The following AGBL1 variants were observed in gnomAD, a reference collection of about 807,000 sequenced individuals.
AGBL1 encodes the protein cytosolic carboxypeptidase 4.
In AGBL1, 130 loss-of-function variants were observed where a neutral mutation model predicts 118.9. That is an observed-to-expected ratio of 1.09 (90% confidence interval 0.95 to 1.26). The LOEUF (loss-of-function observed/expected upper bound fraction) is 1.26. Ranked by LOEUF, AGBL1 falls within the 50% of genes most tolerant of loss-of-function variation. The pLI is 0.00. For missense variants in AGBL1, 1,584 were observed against 1,298.1 expected, an observed-to-expected ratio of 1.22 and a Z score of -3.38; for synonymous variants, 555 against 478.9, an observed-to-expected ratio of 1.16 and a Z score of -2.08.
chr15:86,321,130 CTT>C (rs2080098391), intron 17 of AGBL1, among the ~76,000 whole-genome samples: 2 of 152,174 alleles, frequency 1.3e-5, no homozygotes, highest in South Asian at 2.1e-4. Context: ...ACATAATACT[CTT>C]TTATTTTTAA....
At chr15:86,301,821 A>C (rs1371599697) in intron 17 of AGBL1, among the ~76,000 whole-genome samples, 2 of 151,990 alleles carry the variant, frequency 1.3e-5, no homozygotes, top group South Asian at 2.1e-4. Context: ...CACCATGGTC[A>C]CCTGTATAAA....
At chr15:86,875,586 A>G (rs1298730598) in intron 22 of AGBL1, among the ~76,000 whole-genome samples, 1 of 152,208 alleles carries the variant, frequency 6.6e-6, no homozygotes, top group African/African-American at 2.4e-5. Flanking sequence ...TAAAGATACA[A>G]TGTTAGCACA....
At chr15:86,324,760 G>A (rs181923032) in intron 17 of AGBL1, among the ~76,000 whole-genome samples, 3 of 152,296 alleles carry the variant, frequency 2.0e-5, no homozygotes, top group African/African-American at 2.4e-5. Flanking sequence ...TTTAGAACAG[G>A]ATGGCCTCTT....
At chr15:86,121,010 C>T (rs899433999) in intron 1 of AGBL1, among the ~76,000 whole-genome samples, 1 of 151,978 alleles carries the variant, frequency 6.6e-6, no homozygotes, top group Admixed American at 6.6e-5. Flanking sequence ...GATTCTCCTG[C>T]CTCAACCTCC....
At chr15:86,855,970 A>T (rs7178161) in intron 22 of AGBL1, among the ~76,000 whole-genome samples, 55,012 of 152,112 alleles carry the variant, frequency 0.36, 10,826 homozygotes, top group Non-Finnish European at 0.44. Context: ...GCAGCCTTTA[A>T]AACCCGGGAG....
intron 18 of AGBL1, among the ~76,000 whole-genome samples, chr15:86,471,962 G>T (rs1454211181): frequency 1.3e-5 from 2 of 152,154 alleles, no homozygotes; most frequent in Non-Finnish European, 2.9e-5. Context: ...CCAATGACAA[G>T]TGTGCTTATA....
chr15:86,784,714 T>TC (rs2078382898), intron 22 of AGBL1, among the ~76,000 whole-genome samples: 1 of 152,144 alleles, frequency 6.6e-6, no homozygotes, highest in South Asian at 2.1e-4. Context: ...TTATAAATTA[T>TC]CCATAGAGAC....
At chr15:86,428,547 G>A (rs1053193548) in intron 18 of AGBL1, among the ~76,000 whole-genome samples, 1 of 152,130 alleles carries the variant, frequency 6.6e-6, no homozygotes, top group African/African-American at 2.4e-5. Context: ...TATGCATTGT[G>A]TTTTTCATAT....
At chr15:86,709,914 TTAAA>T (rs1446368109) in intron 22 of AGBL1, among the ~76,000 whole-genome samples, 2 of 152,204 alleles carry the variant, frequency 1.3e-5, no homozygotes, top group African/African-American at 2.4e-5. Flanking sequence ...TTGAAAATCA[TTAAA>T]TAGAGAGCCT....
chr15:86,300,728 G>A (rs2079732246), intron 17 of AGBL1, among the ~76,000 whole-genome samples: 1 of 152,200 alleles, frequency 6.6e-6, no homozygotes, highest in Admixed American at 6.5e-5. Flanking sequence ...GGCCTGAGGT[G>A]GGGAAAAGCA....
Position 86,870,454 on chromosome 15 carries a change from C to CAAAAAAAAAAAAAAAAAAAAAAAAAAAAA in AGBL1, c.3159-36619_3159-36591dup, listed in dbSNP as rs770556494. Among the ~76,000 whole-genome samples, 58 of 64,116 alleles carry CAAAAAAAAAAAAAAAAAAAAAAAAAAAAA rather than the reference C, an allele frequency of 9.0e-4. 9 individuals are homozygous for CAAAAAAAAAAAAAAAAAAAAAAAAAAAAA. Among genetic ancestry groups the CAAAAAAAAAAAAAAAAAAAAAAAAAAAAA allele is most frequent in the African/African-American group, 1.1e-3 (15 of 13,076 alleles). 42.1% of individuals were successfully genotyped at this position (64,116 alleles called of 152,430 possible). A position where few individuals can be genotyped will look rare whatever the true frequency, so the allele number is the denominator to read the frequency against. On this transcript the variant is annotated intron_variant, in intron 22 of 22. Transcript: ENST00000614907. ...GGCAAGAAAAAAGTAAAGCATACTG[C>CAAAAAAAAAAAAAAAAAAAAAAAAAAAAA]AAAAAAAAAAAAAAAAAAAAAAAAA...
At chr15:86,989,454 T>C (rs1318111369) in intron 24 of AGBL1, among the ~76,000 whole-genome samples, 2 of 152,218 alleles carry the variant, frequency 1.3e-5, no homozygotes, top group Non-Finnish European at 2.9e-5. Context: ...CTAAATTTTT[T>C]CAACTGCTTT....
intron 24 of AGBL1, among the ~76,000 whole-genome samples, chr15:87,000,861 C>T (rs1174529164): frequency 8.8e-4 from 130 of 148,170 alleles, no homozygotes; most frequent in African/African-American, 3.1e-3. Context: ...TACCCATGAG[C>T]ATGGCATGTT....
chr15:86,471,501 T>G (rs1210828645), intron 18 of AGBL1, among the ~76,000 whole-genome samples: 1 of 32,586 alleles, frequency 3.1e-5, no homozygotes, highest in East Asian at 3.2e-4. Flanking sequence ...GCCTATAGTT[T>G]TTTTTTTTTT....
intron 23 of AGBL1, among the ~76,000 whole-genome samples, chr15:86,975,586 C>G (rs1264774332): frequency 1.3e-5 from 2 of 152,130 alleles, no homozygotes; most frequent in African/African-American, 4.8e-5. Flanking sequence ...TCCCATTGCT[C>G]TCCATGCTCC....
At chr15:86,956,787 GAAGTA>G (rs148018269) in intron 23 of AGBL1, among the ~76,000 whole-genome samples, 1,632 of 152,218 alleles carry the variant, frequency 0.011, 28 homozygotes, top group African/African-American at 0.038. Context: ...TTAGCAATGA[GAAGTA>G]AAGAGCTACA....
intron 22 of AGBL1, among the ~76,000 whole-genome samples, chr15:86,787,622 G>C (rs998795073): frequency 2.0e-5 from 3 of 151,950 alleles, no homozygotes; most frequent in Non-Finnish European, 4.4e-5. Context: ...ATGTTCCTTT[G>C]TATACATATG....
At chr15:86,674,520 C>A in intron 22 of AGBL1, 84 bp downstream of exon 22, 2 of 1,389,438 alleles carry the variant, frequency 1.4e-6, no homozygotes, top group Admixed American at 2.1e-5. Flanking sequence ...TCGAGTGGAC[C>A]TAGGGGTCTT....
intron 17 of AGBL1, among the ~76,000 whole-genome samples, chr15:86,323,545 A>G (rs2080137351): frequency 6.6e-6 from 1 of 152,166 alleles, no homozygotes; most frequent in African/African-American, 2.4e-5. Flanking sequence ...TCATTGACAG[A>G]TTATGTTAAG....
Sources: gnomAD v4.1 joint callset for allele counts (sites outside exome capture counted in the v4.1 genomes callset) on GRCh38, gnomAD v4.1.1 for gene constraint, MANE v1.5 for transcripts, NCBI Gene and HGNC (gene_info 2026-07-23, HGNC 2026-07-21) for gene names.